Variants in SAMD5 observed in about 807,000 individuals in gnomAD.
SAMD5 encodes the protein sterile alpha motif domain-containing protein 5.
In SAMD5, 13 loss-of-function variants were observed where a neutral mutation model predicts 11.3. That is an observed-to-expected ratio of 1.15 (90% CI 0.75 to 1.83). SAMD5 has a LOEUF of 1.83. Ranked by LOEUF, SAMD5 falls within the 40% of genes most tolerant of loss-of-function variation. The pLI is 0.00. For missense variants in SAMD5, 255 were observed against 239.1 expected (o/e 1.07, Z -0.44); for synonymous variants, 129 against 111.3 (o/e 1.16, Z -1.00).
chr6:147,693,434 G>T (rs1254657719), intron 1 of SAMD5, among the ~76,000 whole-genome samples: 1 of 152,242 alleles, frequency 6.6e-6, no homozygotes, highest in African/African-American at 2.4e-5. Context: ...GCCGTATGCT[G>T]CAGAGCCCCA....
the SAMD5 span, among the ~76,000 whole-genome samples, chr6:147,928,751 G>A: frequency 6.6e-6 from 1 of 152,092 alleles, no homozygotes; most frequent in Non-Finnish European, 1.5e-5. Context: ...CAGTTGTGAT[G>A]TTAGGTTGTT....
At chr6:147,812,009 C>T in the SAMD5 span, among the ~76,000 whole-genome samples, 5 of 151,932 alleles carry the variant, frequency 3.3e-5, no homozygotes, top group African/African-American at 4.8e-5. Context: ...AGTAGATCAA[C>T]GAGCAGCCCT....
At chr6:147,549,184 T>C (rs1027150564) in intron 1 of SAMD5, among the ~76,000 whole-genome samples, 1 of 152,228 alleles carries the variant, frequency 6.6e-6, no homozygotes, top group African/African-American at 2.4e-5. Flanking sequence ...CCATCCTGAC[T>C]GATAAACGCC....
At position 147,618,170 on chromosome 6, in the gene SAMD5, G is replaced by C. The variant is rs76437318; in HGVS notation, c.162+108783G>C. ...AAGAGGTGAAGTGAGTTCTTCAAAC[G>C]TTGGTTGAGTGCTTTGAATGTTCTG... On this transcript the variant is annotated intron_variant, in intron 1 of 1. Transcript: ENST00000566741. Among the ~76,000 whole-genome samples, 1,210 of 152,320 alleles carry C rather than the reference G, an allele frequency of 7.9e-3. 52 individuals carry two copies. Among genetic ancestry groups the C allele is most frequent in the Admixed American group, 0.064 (976 of 15,302 alleles).
downstream of SAMD5, among the ~76,000 whole-genome samples, chr6:147,740,384 C>T (rs768760162): frequency 6.6e-5 from 10 of 152,160 alleles, no homozygotes; most frequent in Admixed American, 2.0e-4. Flanking sequence ...AACACTAGGC[C>T]AGATGAGCTT....
intron 1 of SAMD5, among the ~76,000 whole-genome samples, chr6:147,607,921 C>T (rs147372311): frequency 0.033 from 5,038 of 152,164 alleles, 119 homozygotes; most frequent in Middle Eastern, 0.075. Context: ...ATATAAGGAG[C>T]TCAAACAACT....
Position 147,616,107 on chromosome 6 carries a change from G to A in SAMD5, c.162+106720G>A, listed in dbSNP as rs577201811. Among the ~76,000 whole-genome samples the A allele has an allele frequency of 2.4e-5, 3 of 122,612 alleles. No individual in the cohort carries two copies. In the East Asian group the frequency reaches 6.4e-4, roughly 26 times the overall value. The allele number at this position is 122,612 out of a possible 152,430, so 80.4% of individuals were successfully genotyped here. A position where few individuals can be genotyped will look rare whatever the true frequency, so the allele number is the denominator to read the frequency against. ...CAGTCCCTGTGAGGACTGAGTGATA[G>A]GACAAGCTGAAATGATTATTTCATT... On this transcript the variant is annotated intron_variant, in intron 1 of 1. Coordinates refer to the SAMD5 transcript ENST00000566741.
At chr6:147,650,698 C>T (rs2128453318) in intron 1 of SAMD5, among the ~76,000 whole-genome samples, 1 of 152,282 alleles carries the variant, frequency 6.6e-6, no homozygotes, top group South Asian at 2.1e-4. Context: ...GAGTCAAATT[C>T]AGGCACCAGT....
At chr6:147,736,364 T>A (rs949493137) in intron 1 of SAMD5, among the ~76,000 whole-genome samples, 1 of 152,232 alleles carries the variant, frequency 6.6e-6, no homozygotes, top group Non-Finnish European at 1.5e-5. Flanking sequence ...CTTTAATTCT[T>A]TTCTTTAAAA....
the SAMD5 span, among the ~76,000 whole-genome samples, chr6:147,788,774 A>G: frequency 9.6e-3 from 1,456 of 152,236 alleles, 17 homozygotes; most frequent in African/African-American, 0.032. Flanking sequence ...ATAAATTTTG[A>G]TTTGAGGCCT....
the SAMD5 span, among the ~76,000 whole-genome samples, chr6:147,878,921 A>G: frequency 6.6e-6 from 1 of 151,940 alleles, no homozygotes; most frequent in Non-Finnish European, 1.5e-5. Flanking sequence ...TGACCAGCTA[A>G]TTTTTTGTAT....
intron 1 of SAMD5, among the ~76,000 whole-genome samples, chr6:147,653,990 T>TTTAATCCACAGTTTAGAATTA (rs1451461694): frequency 2.0e-5 from 3 of 152,218 alleles, no homozygotes; most frequent in African/African-American, 7.2e-5. Context: ...TAATCAACAA[T>TTTAATCCACAGTTTAGAATTA]GACACGAATT....
At chr6:147,645,462 C>G (rs962685105) in intron 1 of SAMD5, among the ~76,000 whole-genome samples, 3 of 151,998 alleles carry the variant, frequency 2.0e-5, no homozygotes, top group African/African-American at 7.2e-5. Context: ...AATGTTGATT[C>G]CCATGTTAGA....
At chr6:147,905,072 G>T in the SAMD5 span, among the ~76,000 whole-genome samples, 43 of 152,032 alleles carry the variant, frequency 2.8e-4, no homozygotes, top group East Asian at 8.2e-3. Flanking sequence ...ATTTTTAGTC[G>T]AGACGGGGTT....
chr6:147,576,951 T>G (rs1789225792), intron 1 of SAMD5, among the ~76,000 whole-genome samples: 1 of 152,230 alleles, frequency 6.6e-6, no homozygotes, highest in Admixed American at 6.5e-5. Flanking sequence ...AATACACTTT[T>G]TAGAATTTTA....
At chr6:147,626,791 G>GAAAAAAAA (rs529975933) in intron 1 of SAMD5, among the ~76,000 whole-genome samples, 2,345 of 54,560 alleles carry the variant, frequency 0.043, 230 homozygotes, top group East Asian at 0.065. Context: ...CTGTTTCTAT[G>GAAAAAAAA]AAAAAAAAAA....
At chr6:147,716,753 G>A (rs1209405135) in intron 1 of SAMD5, among the ~76,000 whole-genome samples, 1 of 152,174 alleles carries the variant, frequency 6.6e-6, no homozygotes, top group Non-Finnish European at 1.5e-5. Flanking sequence ...AGCTTTTATT[G>A]CATTAAACTA....
At chr6:147,791,219 C>G in the SAMD5 span, among the ~76,000 whole-genome samples, 1 of 151,950 alleles carries the variant, frequency 6.6e-6, no homozygotes, top group African/African-American at 2.4e-5. Flanking sequence ...CGCTTGAACC[C>G]GGGAGGCAGA....
intron 1 of SAMD5, among the ~76,000 whole-genome samples, chr6:147,603,656 G>T (rs529017266): frequency 3.9e-5 from 6 of 152,242 alleles, no homozygotes; most frequent in African/African-American, 1.4e-4. Flanking sequence ...TATGTGTAAA[G>T]CCAAGTCTGG....
Sources: gnomAD v4.1 joint callset for allele counts (sites outside exome capture counted in the v4.1 genomes callset) on GRCh38, gnomAD v4.1.1 for gene constraint, MANE v1.5 for transcripts, NCBI Gene and HGNC (gene_info 2026-07-23, HGNC 2026-07-21) for gene names.